Variants in MCUR1 observed in about 807,000 individuals in gnomAD.
MCUR1 encodes MCU regulator 1.
In MCUR1, 37 loss-of-function variants were observed where a neutral mutation model predicts 42.0. The observed-to-expected ratio is 0.88, with a 90% CI of 0.68 to 1.16. The LOEUF (loss-of-function observed/expected upper bound fraction) is 1.16. Among genes scored for constraint, MCUR1 ranks in the 50% most tolerant of loss-of-function variants. MCUR1 has a pLI of 0.00. For synonymous variants in MCUR1, 229 were observed against 196.2 expected, an observed-to-expected ratio of 1.17 and a Z score of -1.40; for missense variants, 469 against 468.4, an observed-to-expected ratio of 1.00 and a Z score of -0.01.
chr6:13,796,442 C>T (rs766317337), intron 6 of MCUR1, among the ~76,000 whole-genome samples: 2 of 151,922 alleles, frequency 1.3e-5, no homozygotes, highest in African/African-American at 4.8e-5. Flanking sequence ...TGGGCCATCA[C>T]GCTGGGCTAA....
chr6:13,799,599 A>C (rs986244105), intron 5 of MCUR1, among the ~76,000 whole-genome samples: 4 of 152,142 alleles, frequency 2.6e-5, no homozygotes, highest in African/African-American at 9.7e-5. Context: ...AAAATATTAA[A>C]ATCCAGTTTA....
rs777375390 is a variant in MCUR1, at chr6:13,802,262, A to G, written c.620T>C (p.Met207Thr). 1.2e-5 allele frequency: 19 copies of G among 1,613,716 alleles called. No individual in the cohort carries two copies. The East Asian group carries it at 3.8e-4, about 32-fold the overall frequency. ...EANMDIVYKD[M>T]VTKMQQEITF... Reference sequence around the variant, plus strand: ...GCTAACCTGCTGCATCTTGGTGACCATATCTTTGTAGACGATGTCCATGTT... The same window carrying G: ...GCTAACCTGCTGCATCTTGGTGACCGTATCTTTGTAGACGATGTCCATGTT... Residue 207 changes from methionine to threonine, a missense_variant, in exon 3 of 9, where the codon ATG becomes ACG. Coordinates refer to ENST00000379170, the MANE Select transcript of MCUR1 (RefSeq NM_001031713.4).
rs1449965515 is a variant in MCUR1 at position 13,787,475 on chromosome 6, C to T, written c.*3334G>A. ...CATGTTTCCAGTAAAGAACCGTACA[C>T]ACAAGCAGGTTTTGCTTATTAATGT... On this transcript the variant is annotated 3_prime_UTR_variant, in exon 9 of 9. Transcript: ENST00000379170. 6.6e-6 allele frequency: 1 copy of T among 152,170 alleles called. No individual in the cohort carries two copies. Among genetic ancestry groups the T allele is most frequent in the African/African-American group, 2.4e-5 (1 of 41,430 alleles). The allele number at this position is 152,170 out of a possible 1,614,324, so 9.4% of individuals were successfully genotyped here.
chr6:13,813,409 A>G lies in MCUR1; in HGVS notation c.415+606T>C, dbSNP rs140025809. 3.1e-4 allele frequency among the ~76,000 whole-genome samples: 47 copies of G among 152,250 alleles called. No homozygotes were observed. The East Asian group carries it at 8.5e-3, about 27-fold the overall frequency. On this transcript the variant is annotated intron_variant, in intron 1 of 8. Transcript: ENST00000379170. Reference sequence around the variant, plus strand: ...ACGAATATATAAAAATTATTTGTATATATAAATTATATATACATCAATTAT... The same window carrying G: ...ACGAATATATAAAAATTATTTGTATGTATAAATTATATATACATCAATTAT...
rs539904587 is a variant in MCUR1 at position 13,787,440 on chromosome 6, A to C, written c.*3369T>G. ...TGGATGACAGTAAAACCAATACAGA[A>C]ACAAAAAGTCATGTTTCCAGTAAAG... is the stretch of plus-strand genomic sequence containing the variant. On this transcript the variant is annotated 3_prime_UTR_variant, in exon 9 of 9. Transcript: ENST00000379170. 6.6e-6 allele frequency: 1 copy of C among 152,316 alleles called. No homozygotes were observed. The highest frequency in any genetic ancestry group is 1.9e-4 in the East Asian group (1 of 5,190). The allele number at this position is 152,316 out of a possible 1,614,324, so 9.4% of individuals were successfully genotyped here. A position where few individuals can be genotyped will look rare whatever the true frequency, so the allele number is the denominator to read the frequency against.
chr6:13,812,930 T>C (rs1392744708), intron 1 of MCUR1, among the ~76,000 whole-genome samples: 1 of 152,220 alleles, frequency 6.6e-6, no homozygotes, highest in Non-Finnish European at 1.5e-5. Flanking sequence ...TCTCACCTCC[T>C]TTAAATAGTC....
chr6:13,813,320 C>T (rs529074443), intron 1 of MCUR1, among the ~76,000 whole-genome samples: 2 of 152,290 alleles, frequency 1.3e-5, no homozygotes, highest in South Asian at 4.1e-4. Context: ...TATTTAAATT[C>T]ACAACTGGAG....
intron 7 of MCUR1, among the ~76,000 whole-genome samples, chr6:13,793,686 T>C (rs1759786140): frequency 6.6e-6 from 1 of 152,234 alleles, no homozygotes; most frequent in Admixed American, 6.5e-5. Flanking sequence ...TGCCCCAAAA[T>C]GTGAATGTAC....
chr6:13,807,192 T>C (rs1322234554), intron 1 of MCUR1, 148 bp from the exon 2 acceptor site: 3 of 817,964 alleles, frequency 3.7e-6, no homozygotes, highest in South Asian at 4.6e-5. Flanking sequence ...ATTTCAAGCA[T>C]ACAGTTCAAT....
rs10223600 is a variant in MCUR1, at chr6:13,789,003, C to G, written c.*1806G>C. On this transcript the variant is annotated 3_prime_UTR_variant, in exon 9 of 9. Transcript: ENST00000379170. Reference sequence around the variant, plus strand: ...CGAGCAATGTATTCACCAAACTGATCAAAAAATCTGCCTGTGGTTCCTTCA... The same window carrying G: ...CGAGCAATGTATTCACCAAACTGATGAAAAAATCTGCCTGTGGTTCCTTCA... 6.6e-6 allele frequency: 1 copy of G among 152,156 alleles called. No individual in the cohort carries two copies. The highest frequency in any genetic ancestry group is 1.5e-5 in the Non-Finnish European group (1 of 68,038). The allele number at this position is 152,156 out of a possible 1,614,324, so 9.4% of individuals were successfully genotyped here.
chr6:13,791,954 CCTGT>C lies in MCUR1; in HGVS notation c.944_947del (p.Asp315GlyfsTer25). On this transcript the variant is annotated frameshift_variant, in exon 8 of 9. Transcript: ENST00000379170. LOFTEE classifies it high-confidence loss of function. ...GGCCAGCAACCTCAGTTTCGATCTT[CCTGT>C]CTGTCTGGGTAAGGGCCCGATCTTG... is the stretch of plus-strand genomic sequence containing the variant. 2.5e-6 allele frequency: 4 copies of C among 1,614,048 alleles called. No homozygotes were observed. Among genetic ancestry groups the C allele is most frequent in the Non-Finnish European group, 2.5e-6 (3 of 1,180,000 alleles).
rs904559941 is a variant in MCUR1, at chr6:13,790,221, G to A, written c.*588C>T. 1 of 152,212 alleles carries A rather than the reference G, an allele frequency of 6.6e-6. No homozygotes were observed. The highest frequency in any genetic ancestry group is 6.5e-5 in the Admixed American group (1 of 15,280). 9.4% of individuals were successfully genotyped at this position (152,212 alleles called of 1,614,324 possible). A position where few individuals can be genotyped will look rare whatever the true frequency, so the allele number is the denominator to read the frequency against. ...AGAATTACATCAATGTTTGCTGTTGGTGTGCACCACAGATGAGACCAAGCT... is the reference window on the plus strand; with the variant it reads ...AGAATTACATCAATGTTTGCTGTTGATGTGCACCACAGATGAGACCAAGCT... On this transcript the variant is annotated 3_prime_UTR_variant, in exon 9 of 9. Transcript: ENST00000379170.
intron 6 of MCUR1, among the ~76,000 whole-genome samples, chr6:13,796,579 C>A (rs1437283512): frequency 2.6e-5 from 4 of 152,000 alleles, no homozygotes; most frequent in Non-Finnish European, 5.9e-5. Flanking sequence ...AGCCACCATG[C>A]CCGGCAGAAA....
At chr6:13,792,098 A>G (rs1759742181) in intron 7 of MCUR1, 106 bp from the exon 8 acceptor site, 5 of 780,576 alleles carry the variant, frequency 6.4e-6, no homozygotes, top group Non-Finnish European at 1.1e-5. Flanking sequence ...AACCTGGGTA[A>G]GACTATGGAG....
chr6:13,812,940 C>T (rs1172282997), intron 1 of MCUR1, among the ~76,000 whole-genome samples: 1 of 152,200 alleles, frequency 6.6e-6, no homozygotes, highest in Non-Finnish European at 1.5e-5. Context: ...TTTAAATAGT[C>T]ATGAGCCCCA....
chr6:13,809,648 C>T (rs1760188239), intron 1 of MCUR1, among the ~76,000 whole-genome samples: 1 of 150,038 alleles, frequency 6.7e-6, no homozygotes, highest in South Asian at 2.1e-4. Flanking sequence ...AATTCCAATA[C>T]TTTGAGAGGC....
chr6:13,788,068 C>T lies in MCUR1; in HGVS notation c.*2741G>A, dbSNP rs1273605260. The T allele has an allele frequency of 6.6e-6, 1 of 152,132 alleles. No individual in the cohort carries two copies. Among genetic ancestry groups the T allele is most frequent in the African/African-American group, 2.4e-5 (1 of 41,410 alleles). 9.4% of individuals were successfully genotyped at this position (152,132 alleles called of 1,614,324 possible). A position where few individuals can be genotyped will look rare whatever the true frequency, so the allele number is the denominator to read the frequency against. ...TGGCTAATTTTTCTATTTTTAGTAG[C>T]GAGAGCATTTCGTCATGTTGGCCAG... On this transcript the variant is annotated 3_prime_UTR_variant, in exon 9 of 9. Coordinates refer to ENST00000379170, the MANE Select transcript of MCUR1 (RefSeq NM_001031713.4).
At chr6:13,806,636 C>T (rs1173315903) in intron 2 of MCUR1, among the ~76,000 whole-genome samples, 3 of 152,026 alleles carry the variant, frequency 2.0e-5, no homozygotes, top group African/African-American at 7.2e-5. Flanking sequence ...CAAAGAGATA[C>T]AAAAATCAGC....
At chr6:13,806,659 T>A (rs1760117596) in intron 2 of MCUR1, among the ~76,000 whole-genome samples, 1 of 152,048 alleles carries the variant, frequency 6.6e-6, no homozygotes, top group African/African-American at 2.4e-5. Context: ...GACATGGTGG[T>A]GTGTGCCTGT....
Sources: allele counts gnomAD v4.1 joint callset (sites outside exome capture counted in the v4.1 genomes callset), GRCh38; gene constraint gnomAD v4.1.1; transcripts MANE v1.5; gene names NCBI Gene and HGNC (gene_info 2026-07-23, HGNC 2026-07-21).